The following FUNDC1 variants were observed in gnomAD, a reference collection of about 807,000 sequenced individuals.
FUNDC1 encodes FUN14 domain containing 1, also known as FUN14 domain-containing protein 1.
Under a neutral mutation model 14.5 loss-of-function variants are expected in FUNDC1, and 10 were observed. The observed-to-expected ratio is 0.69, with a 90% confidence interval of 0.43 to 1.17. FUNDC1 has a LOEUF of 1.17. Ranked by LOEUF, FUNDC1 falls within the 50% of genes most tolerant of loss-of-function variation. FUNDC1 has a pLI of 0.00. For missense variants in FUNDC1, 115 were observed against 113.8 expected (o/e 1.01, Z -0.05); for synonymous variants, 33 against 39.7 (o/e 0.83, Z 0.64).
chrX:44,536,058 A>C (rs2038947658), intron 3 of FUNDC1, among the ~76,000 whole-genome samples: 1 of 108,571 alleles, frequency 9.2e-6, no homozygotes, highest in Non-Finnish European at 1.9e-5. Context: ...GTAATCCTGT[A>C]ATCCCAGCAC....
Position 44,523,937 on chromosome X carries a change from C to T in FUNDC1, c.*261G>A, listed in dbSNP as rs1298985442. On this transcript the variant is annotated 3_prime_UTR_variant, in exon 5 of 5. Coordinates refer to ENST00000378045, the MANE Select transcript of FUNDC1 (RefSeq NM_173794.4). ...GATATTTTATAGGCTAGTTTCTAAA[C>T]AGATGCAAATTTTTACAAAGCGATG... 3.4e-6 allele frequency: 1 copy of T among 290,729 alleles called. No homozygotes were observed. The highest frequency in any genetic ancestry group is 6.0e-6 in the Non-Finnish European group (1 of 166,454). 24.0% of individuals were successfully genotyped at this position (290,729 alleles called of 1,213,427 possible). A position where few individuals can be genotyped will look rare whatever the true frequency, so the allele number is the denominator to read the frequency against.
chrX:44,531,331 C>G (rs1328884432), intron 3 of FUNDC1, among the ~76,000 whole-genome samples: 19 of 68,281 alleles, frequency 2.8e-4, no homozygotes, highest in South Asian at 7.1e-4. Flanking sequence ...CACACACACA[C>G]ACACACACAC....
chrX:44,532,803 C>T (rs750651916), intron 3 of FUNDC1, among the ~76,000 whole-genome samples: 11 of 111,255 alleles, frequency 9.9e-5, no homozygotes, highest in Non-Finnish European at 1.7e-4. Flanking sequence ...CCGCCCGCCT[C>T]GGCCTCCCAA....
chrX:44,526,087 C>A (rs1233816904), intron 4 of FUNDC1, among the ~76,000 whole-genome samples: 1 of 96,738 alleles, frequency 1.0e-5, no homozygotes, highest in South Asian at 5.3e-4. Context: ...CTAAGCAACA[C>A]AGCGAGACAG....
chrX:44,526,215 G>C (rs1192315072), intron 4 of FUNDC1, among the ~76,000 whole-genome samples: 1 of 111,412 alleles, frequency 9.0e-6, no homozygotes, highest in African/African-American at 3.3e-5. Flanking sequence ...TGGATCATGA[G>C]GTCAGGAGTT....
At chrX:44,529,151 C>A (rs1411495320) in intron 3 of FUNDC1, among the ~76,000 whole-genome samples, 1 of 111,025 alleles carries the variant, frequency 9.0e-6, no homozygotes, top group Non-Finnish European at 1.9e-5. Context: ...AAAAAACAAA[C>A]CTTAACTATA....
intron 3 of FUNDC1, among the ~76,000 whole-genome samples, chrX:44,538,076 G>T (rs2038955488): frequency 8.9e-6 from 1 of 112,146 alleles, no homozygotes; most frequent in South Asian, 3.6e-4. Flanking sequence ...CCGCTTCCTG[G>T]GTTCAAGCAA....
intron 4 of FUNDC1, among the ~76,000 whole-genome samples, chrX:44,525,598 A>C (rs1465468769): frequency 9.0e-6 from 1 of 110,831 alleles, no homozygotes; most frequent in Non-Finnish European, 1.9e-5. Context: ...TCAAACCTGT[A>C]ATGCCCAGCA....
At chrX:44,538,980 C>A (rs1452440935) in intron 2 of FUNDC1, among the ~76,000 whole-genome samples, 1 of 111,386 alleles carries the variant, frequency 9.0e-6, no homozygotes, top group Non-Finnish European at 1.9e-5. Flanking sequence ...ATCACCTTTG[C>A]TCAAGCTATT....
In FUNDC1 at chrX:44,536,522, GAAGA is replaced by G. The variant is rs1040505210; in HGVS notation, c.261+1941_261+1944del. 1.8e-4 allele frequency among the ~76,000 whole-genome samples: 20 copies of G among 111,070 alleles called. 1 individual carries two copies. Among genetic ancestry groups the G allele is most frequent in the Admixed American group, 1.6e-3 (17 of 10,345 alleles). ...TACACTCAGACGATTGAGGGAGAGGGAAGAAAGCATTCAGGTATGTGAGATTTGG... is the reference window on the plus strand; with the variant it reads ...TACACTCAGACGATTGAGGGAGAGGGAAGCATTCAGGTATGTGAGATTTGG... On this transcript the variant is annotated intron_variant, in intron 3 of 4. Transcript: ENST00000378045.
At chrX:44,524,574 T>C (rs1466261157) in intron 4 of FUNDC1, among the ~76,000 whole-genome samples, 1 of 111,366 alleles carries the variant, frequency 9.0e-6, no homozygotes, top group African/African-American at 3.3e-5. Context: ...TTAAAAATGG[T>C]TAAACTGGTA....
At position 44,524,066 on chromosome X, in the gene FUNDC1, G is replaced by A. The variant is rs988489307; in HGVS notation, c.*132C>T. 6.7e-5 allele frequency: 32 copies of A among 479,472 alleles called. No individual in the cohort carries two copies. The Admixed American group carries it at 1.1e-3, about 17-fold the overall frequency. The allele number at this position is 479,472 out of a possible 1,213,427, so 39.5% of individuals were successfully genotyped here. ...TTCAGATGGCAAAATGCTAAGTTGT[G>A]AATTGAGTATTGTCCAGCTAGTTGT... On this transcript the variant is annotated 3_prime_UTR_variant, in exon 5 of 5. Coordinates refer to ENST00000378045, the MANE Select transcript of FUNDC1 (RefSeq NM_173794.4).
intron 4 of FUNDC1, among the ~76,000 whole-genome samples, chrX:44,526,625 C>T (rs1277198791): frequency 9.1e-6 from 1 of 110,355 alleles, no homozygotes; most frequent in African/African-American, 3.3e-5. Flanking sequence ...CACCCACACA[C>T]AGATAAAGTA....
In FUNDC1 at chrX:44,536,279, A is replaced by T. The variant is rs753772052; in HGVS notation, c.261+2188T>A. Among the ~76,000 whole-genome samples the T allele has an allele frequency of 1.4e-4, 15 of 104,433 alleles. No individual in the cohort carries two copies. The South Asian group carries it at 5.5e-3, about 38-fold the overall frequency. 90.7% of individuals were successfully genotyped at this position (104,433 alleles called of 115,157 possible). The stretch of plus-strand genomic sequence containing the variant: ...AGTTGCAGTGAGCCAAGATTGCGCC[A>T]CTGCACTCTAGCCTGGGCGACAGAG... On this transcript the variant is annotated intron_variant, in intron 3 of 4. Transcript: ENST00000378045.
chrX:44,541,933 CGTT>C lies in FUNDC1; in HGVS notation c.185+9_185+11del, dbSNP rs1268569478. ...CCCAAATGAAATTTAATGAAAAAGACGTTGTTCTCACCAGCCAGTAACGCCACC... is the reference window on the plus strand; with the variant it reads ...CCCAAATGAAATTTAATGAAAAAGACGTTCTCACCAGCCAGTAACGCCACC... On this transcript the variant is annotated intron_variant, in intron 2 of 4. Transcript: ENST00000378045. 8.4e-7 allele frequency: 1 copy of C among 1,195,711 alleles called. No individual in the cohort carries two copies. The highest frequency in any genetic ancestry group is 2.3e-5 in the Admixed American group (1 of 43,139).
intron 3 of FUNDC1, among the ~76,000 whole-genome samples, chrX:44,531,364 AC>A (rs2038924940): frequency 1.0e-5 from 1 of 96,416 alleles, no homozygotes; most frequent in Non-Finnish European, 2.0e-5. Context: ...ACACACACAC[AC>A]ACACACGGCT....
At position 44,523,862 on chromosome X, in the gene FUNDC1, A is replaced by C. The variant is rs1214270445; in HGVS notation, c.*336T>G. On this transcript the variant is annotated 3_prime_UTR_variant, in exon 5 of 5. Transcript: ENST00000378045. ...TAAATAAAAAGAGAATATTTCGCTAAGCAATAAACCCAACATATTTCTTTT... is the reference window on the plus strand; with the variant it reads ...TAAATAAAAAGAGAATATTTCGCTACGCAATAAACCCAACATATTTCTTTT... The C allele has an allele frequency of 1.3e-5, 2 of 159,151 alleles. No individual in the cohort carries two copies. Among genetic ancestry groups the C allele is most frequent in the Non-Finnish European group, 2.4e-5 (2 of 83,280 alleles). 13.1% of individuals were successfully genotyped at this position (159,151 alleles called of 1,213,427 possible). A position where few individuals can be genotyped will look rare whatever the true frequency, so the allele number is the denominator to read the frequency against.
rs1440378751 is a variant in FUNDC1 at position 44,533,643 on chromosome X, A to AC, written c.261+4823_261+4824insG. 3.2e-3 allele frequency among the ~76,000 whole-genome samples: 335 copies of AC among 106,088 alleles called. 5 individuals carry two copies. The highest frequency in any genetic ancestry group is 0.011 in the African/African-American group (304 of 28,491). The allele number at this position is 106,088 out of a possible 115,157, so 92.1% of individuals were successfully genotyped here. Reference sequence around the variant, plus strand: ...ACTCCGTCTCAAAAAAAAAAAAAAAAAAAAAACAACAAAACAACAACAACA... The same window carrying AC: ...ACTCCGTCTCAAAAAAAAAAAAAAAACAAAAAACAACAAAACAACAACAACA... On this transcript the variant is annotated intron_variant, in intron 3 of 4. Coordinates refer to ENST00000378045, the MANE Select transcript of FUNDC1 (RefSeq NM_173794.4).
chrX:44,528,783 G>A (rs1053890973), intron 3 of FUNDC1, among the ~76,000 whole-genome samples: 1 of 112,397 alleles, frequency 8.9e-6, no homozygotes, highest in Admixed American at 9.4e-5. Context: ...CGCAAGCTCC[G>A]CCTCCCGGGT....
Sources: gnomAD v4.1 joint callset for allele counts (sites outside exome capture counted in the v4.1 genomes callset) on GRCh38, gnomAD v4.1.1 for gene constraint, MANE v1.5 for transcripts, NCBI Gene and HGNC (gene_info 2026-07-23, HGNC 2026-07-21) for gene names.